The following ZNF320 variants were observed in gnomAD, a reference collection of about 807,000 sequenced individuals.
The protein encoded by ZNF320 is zinc finger protein 320.
ZNF320 carries 2 observed loss-of-function variants against 6.8 expected under a neutral mutation model. That is an observed-to-expected ratio of 0.29 (90% CI 0.12 to 0.93). The LOEUF (loss-of-function observed/expected upper bound fraction) is 0.93, where lower values mean the gene tolerates loss of function less well. Among genes scored for constraint, ZNF320 ranks in the 40% least tolerant of loss-of-function variants. ZNF320 has a pLI of 0.55. For missense variants in ZNF320, 472 were observed against 611.0 expected (o/e 0.77, Z 2.40); for synonymous variants, 208 against 203.2 (o/e 1.02, Z -0.20).
rs1005910336 is a variant in ZNF320, at chr19:52,878,198, A to C, written c.*2398T>G. The C allele has an allele frequency of 5.3e-6, 1 of 187,480 alleles. No individual in the cohort carries two copies. Among genetic ancestry groups the C allele is most frequent in the Admixed American group, 4.9e-5 (1 of 20,616 alleles). 11.6% of individuals were successfully genotyped at this position (187,480 alleles called of 1,614,324 possible). On this transcript the variant is annotated 3_prime_UTR_variant, in exon 6 of 6. Coordinates refer to ENST00000682928, the MANE Select transcript of ZNF320 (RefSeq NM_001351774.2). ...GTCGTCTTTGACAGTTGTACCTATA[A>C]AACTTATGTGGATGGTCTGCCTGCC...
At chr19:52,903,277 G>T in the ZNF320 span, among the ~76,000 whole-genome samples, 1 of 152,164 alleles carries the variant, frequency 6.6e-6, no homozygotes, top group Non-Finnish European at 1.5e-5. Context: ...TTGTAAGTTT[G>T]GGACTTCAAT....
intron 1 of ZNF320, among the ~76,000 whole-genome samples, chr19:52,896,565 G>A (rs945060587): frequency 2.6e-5 from 4 of 152,002 alleles, no homozygotes; most frequent in Non-Finnish European, 5.9e-5. Context: ...AAAAATTAGC[G>A]CGGTGTGGTG....
At chr19:52,884,637 A>C (rs1302738719) in intron 5 of ZNF320, among the ~76,000 whole-genome samples, 10 of 152,220 alleles carry the variant, frequency 6.6e-5, no homozygotes, top group South Asian at 4.2e-4. Context: ...CATTTAGTAC[A>C]TTCCAGGTTT....
chr19:52,889,457 AAAT>A (rs2064215269), intron 4 of ZNF320, among the ~76,000 whole-genome samples: 3 of 152,070 alleles, frequency 2.0e-5, no homozygotes, highest in Non-Finnish European at 1.5e-5. Context: ...ATTTCAGAAA[AAAT>A]AATAATAATA....
intron 2 of ZNF320, 73 bp from the exon 3 acceptor site, chr19:52,891,419 G>C (rs2064287884): frequency 6.7e-6 from 1 of 148,496 alleles, no homozygotes; most frequent in African/African-American, 2.5e-5. Flanking sequence ...ACATGATAGA[G>C]ATTGATGGGC....
intron 4 of ZNF320, among the ~76,000 whole-genome samples, chr19:52,889,012 C>T (rs1043112279): frequency 5.3e-5 from 8 of 151,784 alleles, no homozygotes; most frequent in Non-Finnish European, 1.5e-5. Flanking sequence ...GGTGAAACCA[C>T]ATCTTAACTA....
rs1293260802 is a variant in ZNF320, at chr19:52,888,161, C to G, written c.108G>C (p.Val36=). 6.3e-7 allele frequency: 1 copy of G among 1,581,648 alleles called. No individual in the cohort carries two copies. The highest frequency in any genetic ancestry group is 1.9e-5 in the Admixed American group (1 of 51,600). Residue 36 remains valine (V), a synonymous_variant, in exon 5 of 6, where the codon GTG becomes GTC. Transcript: ENST00000682928. ...DPAQRTLYRD[V]MLENYRNLVS... is the part of the protein sequence containing the mutation. ...CCAGGTTCCTATAATTCTCCAGCAT[C>G]ACGTCTCTGTATAGAGTCCTCTGAG...
chr19:52,870,763 T>TA (rs917647924), intron 5 of ZNF320, among the ~76,000 whole-genome samples: 6 of 151,780 alleles, frequency 4.0e-5, no homozygotes, highest in Non-Finnish European at 4.4e-5. Flanking sequence ...GAGACTCAAC[T>TA]AAAAAAAATA....
chr19:52,897,147 A>G (rs2064498810), intron 1 of ZNF320, among the ~76,000 whole-genome samples: 1 of 152,154 alleles, frequency 6.6e-6, no homozygotes, highest in African/African-American at 2.4e-5. Flanking sequence ...TTGATTGCAT[A>G]TATTCGTTTT....
exon 6 of ZNF320, chr19:52,864,084 C>T (rs1220034005): frequency 6.4e-6 from 3 of 468,302 alleles, no homozygotes; most frequent in Non-Finnish European, 8.3e-6. Context: ...CTGTATAAAG[C>T]GTTCTGTGCA....
chr19:52,888,054 C>T (rs1186381061), intron 5 of ZNF320, 73 bp downstream of exon 5: 70 of 1,602,804 alleles, frequency 4.4e-5, no homozygotes, highest in Non-Finnish European at 5.8e-5. Flanking sequence ...GGATGCAACT[C>T]CCAAGAGAAA....
rs146337252 is a variant in ZNF320, at chr19:52,880,943, T to C, written c.1183A>G (p.Ser395Gly). The change falls in exon 6 of 6, where the codon AGT becomes GGT. Residue 395 changes from serine (S) to glycine (G), a missense_variant. Transcript: ENST00000682928. ...TGACATGCGAGGTACGCTTTTGTAC[T>C]AAAAACCTTGCCACATTCATTACAT... is the stretch of plus-strand genomic sequence containing the variant. ...YTCNECGKVF[S>G]TKAYLACHQK... is the part of the protein sequence containing the mutation. 71 of 1,613,550 alleles carry C rather than the reference T, an allele frequency of 4.4e-5. No individual in the cohort carries two copies. The African/African-American group carries it at 9.3e-4, about 21-fold the overall frequency.
At chr19:52,872,471 C>T (rs62117503), downstream of ZNF320, among the ~76,000 whole-genome samples, 29,005 of 152,022 alleles carry the variant, frequency 0.19, 3,144 homozygotes, top group Non-Finnish European at 0.24. Flanking sequence ...GGACCTGCAC[C>T]GGCATCGACC....
At chr19:52,903,678 G>A in the ZNF320 span, among the ~76,000 whole-genome samples, 1 of 148,224 alleles carries the variant, frequency 6.7e-6, no homozygotes, top group Non-Finnish European at 1.5e-5. Flanking sequence ...TCTTAGTGGG[G>A]TGGGCTTACT....
rs573045488 is a variant in ZNF320 at position 52,880,691 on chromosome 19, T to A, written c.1435A>T (p.Ser479Cys). 1 of 1,613,976 alleles carries A rather than the reference T, an allele frequency of 6.2e-7. No homozygotes were observed. The highest frequency in any genetic ancestry group is 1.3e-5 in the African/African-American group (1 of 75,044). ...YKCHQCGKVFSLRSLLAEHQK... is the reference protein window; with the variant it reads ...YKCHQCGKVFCLRSLLAEHQK... ...TGTTCTGCAAGGAGTGACCTCAGAC[T>A]AAAGACCTTGCCACACTGATGACAT... Residue 479 changes from serine to cysteine, a missense_variant, in exon 6 of 6, where the codon AGT becomes TGT. Ser to Cys is a moderately radical substitution (Grantham distance 112). Around this residue, in one of 2 missense-constraint regions of ZNF320, gnomAD observed 462 missense variants for 559.7 expected, o/e 0.83. Coordinates refer to ENST00000682928, the MANE Select transcript of ZNF320 (RefSeq NM_001351774.2).
intron 1 of ZNF320, among the ~76,000 whole-genome samples, chr19:52,897,171 C>A (rs927375085): frequency 6.6e-5 from 10 of 152,194 alleles, no homozygotes; most frequent in African/African-American, 9.7e-5. Context: ...GGAGTTGGAA[C>A]TAGGTAGCAA....
chr19:52,861,364 TATAA>T (rs759567252), exon 6 of ZNF320, among the ~76,000 whole-genome samples: 2 of 152,188 alleles, frequency 1.3e-5, no homozygotes, highest in Non-Finnish European at 2.9e-5. Flanking sequence ...TAAAAACATA[TATAA>T]ATAGAGATAG....
At chr19:52,897,870 C>CG (rs1239638103), upstream of ZNF320, among the ~76,000 whole-genome samples, 2 of 152,050 alleles carry the variant, frequency 1.3e-5, no homozygotes, top group Non-Finnish European at 2.9e-5. Flanking sequence ...GAGGGGTCGG[C>CG]GGGGGCGAGA....
intron 5 of ZNF320, among the ~76,000 whole-genome samples, chr19:52,865,919 TTA>T (rs1412884944): frequency 6.6e-4 from 52 of 79,002 alleles, no homozygotes; most frequent in Admixed American, 5.3e-3. Context: ...ACACATATAT[TTA>T]TATATGATTA....
Sources: allele counts gnomAD v4.1 joint callset (sites outside exome capture counted in the v4.1 genomes callset), GRCh38; gene constraint gnomAD v4.1.1; regional missense constraint gnomAD v4.1.1; transcripts MANE v1.5; gene names NCBI Gene and HGNC (gene_info 2026-07-23, HGNC 2026-07-21).